The following DOCK2 variants were observed in gnomAD, a reference collection of about 807,000 sequenced individuals.
The protein encoded by DOCK2 is dedicator of cytokinesis protein 2.
DOCK2 carries 87 observed loss-of-function variants against 248.9 expected under a neutral mutation model. The ratio of observed to expected loss-of-function variants is 0.35; its 90% CI spans 0.29 to 0.42. DOCK2 has a LOEUF of 0.42. Ranked by LOEUF, DOCK2 falls within the 10% of genes least tolerant of loss-of-function variation. The probability of loss-of-function intolerance (pLI) is 1.00; values close to 1 mark genes in which losing one functional copy is unlikely to be tolerated. For missense variants in DOCK2, 1,747 were observed against 2,300.2 expected (o/e 0.76, Z 4.92); for synonymous variants, 805 against 821.6 (o/e 0.98, Z 0.35).
chr5:170,007,270 A>T (rs1268616148), intron 30 of DOCK2, among the ~76,000 whole-genome samples: 2 of 152,154 alleles, frequency 1.3e-5, no homozygotes, highest in African/African-American at 4.8e-5. Flanking sequence ...CACTGTTGAG[A>T]GGGGCCTAAA....
chr5:169,674,579 G>A, intron 6 of DOCK2, 134 bp downstream of exon 6: 1 of 1,370,776 alleles, frequency 7.3e-7, no homozygotes. Flanking sequence ...TGTGACCAAT[G>A]GCTGTGCTTG....
chr5:169,933,747 C>G (rs1419040472), intron 27 of DOCK2, among the ~76,000 whole-genome samples: 1 of 152,154 alleles, frequency 6.6e-6, no homozygotes, highest in East Asian at 1.9e-4. Flanking sequence ...TCTCAGACTT[C>G]CAGGCAGCTG....
chr5:169,985,884 C>T lies in DOCK2; in HGVS notation c.2955C>T (p.Tyr985=), dbSNP rs747937960. ...AGGACCTCATTGGAAAGAACGTGTA[C>T]CCTGGAGACTGGATGGCCATGAGCA... The part of the protein sequence containing the change: ...MFKDLIGKNV[Y]PGDWMAMSMV... The change falls in exon 29 of 52, where the codon TAC becomes TAT. Residue 985 remains tyrosine (Y), a synonymous_variant. Transcript: ENST00000520908. The T allele has an allele frequency of 2.5e-6, 4 of 1,610,780 alleles. No individual in the cohort carries two copies. The highest frequency in any genetic ancestry group is 3.4e-6 in the Non-Finnish European group (4 of 1,178,064).
intron 27 of DOCK2, among the ~76,000 whole-genome samples, chr5:169,923,750 G>T (rs1775298038): frequency 6.6e-6 from 1 of 152,124 alleles, no homozygotes; most frequent in African/African-American, 2.4e-5. Flanking sequence ...ACTGTGTTTA[G>T]GTAAAAACAT....
chr5:169,971,188 C>CAA (rs34023676), intron 27 of DOCK2, among the ~76,000 whole-genome samples: 21 of 143,852 alleles, frequency 1.5e-4, no homozygotes, highest in African/African-American at 3.8e-4. Flanking sequence ...GAAAGAAAGG[C>CAA]AAAAAAAAAA....
intron 46 of DOCK2, among the ~76,000 whole-genome samples, chr5:170,070,986 GC>G (rs2113870868): frequency 6.6e-6 from 1 of 152,178 alleles, no homozygotes; most frequent in South Asian, 2.1e-4. Context: ...TTCAGACACC[GC>G]CCCCTAGTGG....
At chr5:169,895,270 C>T (rs966291516) in intron 27 of DOCK2, among the ~76,000 whole-genome samples, 1 of 152,170 alleles carries the variant, frequency 6.6e-6, no homozygotes, top group East Asian at 1.9e-4. Context: ...CTTCTTTCTC[C>T]TTTCCTCCCT....
intron 27 of DOCK2, among the ~76,000 whole-genome samples, chr5:169,977,869 C>T (rs1030458525): frequency 1.1e-4 from 17 of 152,160 alleles, no homozygotes; most frequent in African/African-American, 4.1e-4. Flanking sequence ...CCTCCCACTT[C>T]CAGTCCTAGA....
chr5:170,078,208 A>G (rs1757903849), intron 48 of DOCK2, among the ~76,000 whole-genome samples: 1 of 152,052 alleles, frequency 6.6e-6, no homozygotes, highest in Admixed American at 6.5e-5. Context: ...GCTCCTCCCA[A>G]CCACGATGGG....
intron 1 of DOCK2, among the ~76,000 whole-genome samples, chr5:169,640,713 C>A (rs984672905): frequency 6.6e-6 from 1 of 152,294 alleles, no homozygotes; most frequent in East Asian, 1.9e-4. Flanking sequence ...AACTTTCTGT[C>A]TTCTTCATTG....
chr5:170,057,058 G>T, intron 43 of DOCK2: 1 of 416,714 alleles, frequency 2.4e-6, no homozygotes, highest in Non-Finnish European at 4.4e-6. Context: ...AGGCTAAGAA[G>T]GGGTGTTGAT....
intron 30 of DOCK2, among the ~76,000 whole-genome samples, chr5:170,000,991 A>G (rs570104664): frequency 2.5e-4 from 38 of 152,190 alleles, no homozygotes; most frequent in Non-Finnish European, 4.9e-4. Flanking sequence ...CCATAGCGCC[A>G]CCACAGGGGG....
intron 33 of DOCK2, among the ~76,000 whole-genome samples, chr5:170,027,457 A>G (rs1202804262): frequency 1.3e-5 from 2 of 152,178 alleles, no homozygotes; most frequent in South Asian, 2.1e-4. Context: ...GTTCTGTCAC[A>G]TATCTCCATG....
chr5:169,684,093 A>C, intron 7 of DOCK2, 103 bp from the exon 8 acceptor site: 1 of 1,428,742 alleles, frequency 7.0e-7, no homozygotes, highest in Non-Finnish European at 9.5e-7. Flanking sequence ...GGAATGCCCA[A>C]ACTTTAGGCT....
intron 26 of DOCK2, among the ~76,000 whole-genome samples, chr5:169,837,444 A>G (rs192714089): frequency 1.1e-3 from 170 of 152,262 alleles, no homozygotes; most frequent in African/African-American, 4.1e-3. Flanking sequence ...TGACATTTAG[A>G]TATCACCCAG....
At chr5:169,874,410 C>CA (rs34525811) in intron 27 of DOCK2, among the ~76,000 whole-genome samples, 25,633 of 72,084 alleles carry the variant, frequency 0.36, 4,943 homozygotes, top group Middle Eastern at 0.46. Context: ...GACTCTGTCT[C>CA]AAAAAAAAAA....
chr5:169,717,285 T>C lies in DOCK2; in HGVS notation c.2032-99T>C, dbSNP rs1761958286. 3.1e-6 allele frequency: 3 copies of C among 969,456 alleles called. No homozygotes were observed. The East Asian group carries it at 7.3e-5, about 24-fold the overall frequency. The allele number at this position is 969,456 out of a possible 1,614,324, so 60.1% of individuals were successfully genotyped here. On this transcript the variant is annotated intron_variant, in intron 20 of 51. Coordinates refer to ENST00000520908, the MANE Select transcript of DOCK2 (RefSeq NM_004946.3). ...CATTATGTATTAGTGAGCTAATTCC[T>C]GGGCAAAGGATTTTAATGGGGGTTG...
rs201626676 is a variant in DOCK2, at chr5:169,708,202, A to G, written c.1417A>G (p.Met473Val). 3,378 of 1,614,058 alleles carry G rather than the reference A, an allele frequency of 2.1e-3. 91 individuals are homozygous for G. In the South Asian group the frequency reaches 0.035, roughly 17 times the overall value. The change falls in exon 15 of 52, where the codon ATG becomes GTG. Residue 473 changes from methionine (M) to valine (V), a missense_variant. Met to Val is a conservative substitution (Grantham distance 21). Coordinates refer to ENST00000520908, the MANE Select transcript of DOCK2 (RefSeq NM_004946.3). ...TTGCGTGGGAGCAGGGGACAAGCCC[A>G]TGAATGAGTATCGCTCCGTTGTGTA... Reference protein sequence around the residue: ...AICVGAGDKPMNEYRSVVYYQ... With the variant: ...AICVGAGDKPVNEYRSVVYYQ...
chr5:169,805,946 G>A (rs1767329883), intron 26 of DOCK2, among the ~76,000 whole-genome samples: 1 of 152,140 alleles, frequency 6.6e-6, no homozygotes, highest in Admixed American at 6.5e-5. Flanking sequence ...TGTCTTTGCT[G>A]GATGAGTTAT....
Sources: gnomAD v4.1 joint callset for allele counts (sites outside exome capture counted in the v4.1 genomes callset) on GRCh38, gnomAD v4.1.1 for gene constraint, MANE v1.5 for transcripts, NCBI Gene and HGNC (gene_info 2026-07-23, HGNC 2026-07-21) for gene names.